SLC9A9: variants seen among roughly 807,000 people sequenced by gnomAD.
The protein encoded by SLC9A9 is solute carrier family 9 member A9.
SLC9A9 carries 62 observed loss-of-function variants against 77.8 expected under a neutral mutation model. The ratio of observed to expected loss-of-function variants is 0.80; its 90% CI spans 0.65 to 0.98. SLC9A9 has a LOEUF of 0.98. Ranked by LOEUF, SLC9A9 falls within the 50% of genes least tolerant of loss-of-function variation. The pLI is 0.00. For synonymous variants in SLC9A9, 320 were observed against 283.5 expected, an observed-to-expected ratio of 1.13 and a Z score of -1.29; for missense variants, 775 against 774.9, an observed-to-expected ratio of 1.00 and a Z score of 0.00.
intron 14 of SLC9A9, among the ~76,000 whole-genome samples, chr3:143,308,269 C>A (rs1366155302): frequency 6.6e-6 from 1 of 152,048 alleles, no homozygotes; most frequent in African/African-American, 2.4e-5. Flanking sequence ...AAAATGGGGA[C>A]CCCTTGTTTA....
intron 2 of SLC9A9, among the ~76,000 whole-genome samples, chr3:143,829,388 G>T (rs2009378983): frequency 6.6e-6 from 1 of 152,050 alleles, no homozygotes; most frequent in Admixed American, 6.6e-5. Flanking sequence ...TTCTTACCTG[G>T]ATACTCACTT....
intron 6 of SLC9A9, among the ~76,000 whole-genome samples, chr3:143,631,387 C>T (rs554974097): frequency 8.5e-5 from 13 of 152,252 alleles, no homozygotes; most frequent in African/African-American, 3.1e-4. Context: ...GAGGAGACAA[C>T]ATTTAATTCT....
At chr3:143,710,228 C>A (rs1217692124) in intron 4 of SLC9A9, among the ~76,000 whole-genome samples, 2 of 152,100 alleles carry the variant, frequency 1.3e-5, no homozygotes, top group East Asian at 3.9e-4. Flanking sequence ...TCATTAATAA[C>A]AAGTAAGGAA....
At chr3:143,292,418 G>C (rs553789452) in intron 14 of SLC9A9, among the ~76,000 whole-genome samples, 1 of 152,298 alleles carries the variant, frequency 6.6e-6, no homozygotes, top group East Asian at 1.9e-4. Context: ...AGTATCAGAA[G>C]AGTTAGGGAA....
intron 9 of SLC9A9, among the ~76,000 whole-genome samples, chr3:143,504,711 T>C (rs944395014): frequency 1.2e-4 from 18 of 152,208 alleles, no homozygotes; most frequent in Non-Finnish European, 2.9e-5. Flanking sequence ...TAAAAGCTTT[T>C]ACATACTTTA....
chr3:143,667,412 T>C (rs1481985177), intron 5 of SLC9A9, among the ~76,000 whole-genome samples: 1 of 152,198 alleles, frequency 6.6e-6, no homozygotes, highest in Non-Finnish European at 1.5e-5. Context: ...ATTCAGGACA[T>C]AGGCATGGGC....
chr3:143,496,257 T>C (rs2035831950), intron 9 of SLC9A9, among the ~76,000 whole-genome samples: 1 of 152,208 alleles, frequency 6.6e-6, no homozygotes, highest in Non-Finnish European at 1.5e-5. Context: ...AACTTTCAGA[T>C]TAAAAGTAAA....
chr3:143,324,967 A>G (rs1409363630), intron 14 of SLC9A9, among the ~76,000 whole-genome samples: 1 of 152,122 alleles, frequency 6.6e-6, no homozygotes, highest in African/African-American at 2.4e-5. Context: ...CCCTGAACAA[A>G]CATTTTCCAT....
chr3:143,523,936 T>C (rs1187879936), intron 9 of SLC9A9, among the ~76,000 whole-genome samples: 2 of 152,194 alleles, frequency 1.3e-5, no homozygotes, highest in Non-Finnish European at 2.9e-5. Flanking sequence ...CTCTTCCACC[T>C]AAGTCAAACA....
chr3:143,760,155 C>T (rs369543445), intron 4 of SLC9A9, among the ~76,000 whole-genome samples: 16 of 152,054 alleles, frequency 1.1e-4, no homozygotes, highest in East Asian at 9.7e-4. Context: ...CCGTAAATAG[C>T]TCTTATTATT....
At chr3:143,281,029 T>C (rs572654558) in intron 14 of SLC9A9, among the ~76,000 whole-genome samples, 32 of 152,324 alleles carry the variant, frequency 2.1e-4, no homozygotes, top group Non-Finnish European at 4.1e-4. Flanking sequence ...CCAGCTCTCT[T>C]CTTTCAGGTG....
At chr3:143,313,036 G>T (rs1196510468) in intron 14 of SLC9A9, 1 of 152,098 alleles carries the variant, frequency 6.6e-6, no homozygotes, top group Non-Finnish European at 1.5e-5. Flanking sequence ...CAGAACATAG[G>T]CTGAGGAAGT....
chr3:143,549,988 T>A (rs960212364), intron 9 of SLC9A9, among the ~76,000 whole-genome samples: 4 of 152,284 alleles, frequency 2.6e-5, no homozygotes, highest in Non-Finnish European at 5.9e-5. Context: ...GGGGGGCTTT[T>A]TTCTTTTGTT....
intron 6 of SLC9A9, among the ~76,000 whole-genome samples, chr3:143,632,542 A>G (rs555131925): frequency 6.6e-6 from 1 of 152,152 alleles, no homozygotes; most frequent in East Asian, 1.9e-4. Context: ...ACATTACCCA[A>G]CTGATCCCCA....
chr3:143,845,104 C>A (rs192014653), intron 1 of SLC9A9, among the ~76,000 whole-genome samples: 219 of 152,064 alleles, frequency 1.4e-3, no homozygotes, highest in Admixed American at 3.5e-3. Flanking sequence ...AAAATTATTG[C>A]AATAATTTAC....
chr3:143,419,034 G>T (rs557061542), intron 12 of SLC9A9, among the ~76,000 whole-genome samples: 47 of 152,238 alleles, frequency 3.1e-4, no homozygotes, highest in Non-Finnish European at 5.4e-4. Flanking sequence ...CCTTTCCCTT[G>T]ATACTACATG....
chr3:143,328,349 A>G (rs2031664527), intron 14 of SLC9A9, among the ~76,000 whole-genome samples: 1 of 152,238 alleles, frequency 6.6e-6, no homozygotes, highest in African/African-American at 2.4e-5. Flanking sequence ...AAAAATATGA[A>G]AGTTTATAAT....
intron 4 of SLC9A9, among the ~76,000 whole-genome samples, chr3:143,766,159 G>T (rs1482864865): frequency 2.0e-5 from 3 of 152,194 alleles, no homozygotes; most frequent in Non-Finnish European, 4.4e-5. Flanking sequence ...TGAGGCAATA[G>T]ATACCTGATA....
chr3:143,532,918 T>C (rs2036535642), intron 9 of SLC9A9, among the ~76,000 whole-genome samples: 1 of 152,172 alleles, frequency 6.6e-6, no homozygotes, highest in South Asian at 2.1e-4. Context: ...ATTCTTTAGG[T>C]CTCAGCTGAA....
Sources: allele counts gnomAD v4.1 joint callset (sites outside exome capture counted in the v4.1 genomes callset), GRCh38; gene constraint gnomAD v4.1.1; transcripts MANE v1.5; gene names NCBI Gene and HGNC (gene_info 2026-07-23, HGNC 2026-07-21).